The following GPC5 variants were observed in gnomAD, a reference collection of about 807,000 sequenced individuals.
GPC5 encodes the protein glypican 5, also known as glypican-5.
In GPC5, 47 loss-of-function variants were observed where a neutral mutation model predicts 53.9. The observed-to-expected ratio is 0.87, with a 90% CI of 0.69 to 1.11. The LOEUF is 1.11. GPC5 is among the 50% of genes most tolerant of loss of function. The probability of loss-of-function intolerance (pLI) is 0.00; values close to 1 mark genes in which losing one functional copy is unlikely to be tolerated. For synonymous variants in GPC5, 286 were observed against 263.3 expected (o/e 1.09, Z -0.84); for missense variants, 748 against 713.1 (o/e 1.05, Z -0.56).
intron 5 of GPC5, among the ~76,000 whole-genome samples, chr13:91,893,367 TG>T (rs1451722293): frequency 6.6e-6 from 1 of 152,082 alleles, no homozygotes; most frequent in Non-Finnish European, 1.5e-5. Flanking sequence ...TTAAGCCATG[TG>T]AACTAAAAGG....
chr13:92,301,908 ATAAAT>A (rs1363598778), intron 7 of GPC5, among the ~76,000 whole-genome samples: 5 of 152,016 alleles, frequency 3.3e-5, no homozygotes, highest in Non-Finnish European at 7.4e-5. Context: ...AAATAAATAA[ATAAAT>A]TAATTAATTA....
chr13:91,970,764 A>G (rs142889841), intron 6 of GPC5, among the ~76,000 whole-genome samples: 2 of 152,344 alleles, frequency 1.3e-5, no homozygotes, highest in East Asian at 3.9e-4. Context: ...ATACTGGATT[A>G]CATTTATTGA....
At chr13:92,552,006 G>A (rs1882334737) in intron 7 of GPC5, among the ~76,000 whole-genome samples, 1 of 151,892 alleles carries the variant, frequency 6.6e-6, no homozygotes, top group African/African-American at 2.4e-5. Context: ...TCTCTGAGAT[G>A]TTACTGTGCT....
At chr13:92,772,769 T>A (rs763663369) in intron 7 of GPC5, among the ~76,000 whole-genome samples, 252 of 152,332 alleles carry the variant, frequency 1.7e-3, no homozygotes, top group Non-Finnish European at 2.9e-3. Flanking sequence ...AAGTGCTTGA[T>A]AAATATCTGT....
chr13:92,052,584 C>G (rs1036152115), intron 6 of GPC5, among the ~76,000 whole-genome samples: 1 of 152,078 alleles, frequency 6.6e-6, no homozygotes, highest in African/African-American at 2.4e-5. Flanking sequence ...TTTAGCTAGG[C>G]ACAGAGTGCT....
intron 7 of GPC5, among the ~76,000 whole-genome samples, chr13:92,494,350 A>G (rs1879889273): frequency 6.6e-6 from 1 of 152,104 alleles, no homozygotes; most frequent in Admixed American, 6.6e-5. Flanking sequence ...CAGCCTCCCA[A>G]AGTTCTGGGA....
At chr13:92,524,227 G>A (rs1881184877) in intron 7 of GPC5, among the ~76,000 whole-genome samples, 1 of 152,006 alleles carries the variant, frequency 6.6e-6, no homozygotes, top group Admixed American at 6.6e-5. Flanking sequence ...TCTCTCCTAA[G>A]TTTATGGAAT....
At chr13:91,604,763 G>C (rs369500345) in intron 2 of GPC5, among the ~76,000 whole-genome samples, 1,248 of 33,712 alleles carry the variant, frequency 0.037, 45 homozygotes, top group African/African-American at 0.13. Context: ...TTTGAGAAGT[G>C]TCTGTTCATG....
intron 7 of GPC5, among the ~76,000 whole-genome samples, chr13:92,385,710 CACATATATACATATATACATGT>C (rs1566568097): frequency 3.0e-5 from 4 of 132,600 alleles, no homozygotes; most frequent in African/African-American, 8.4e-5. Context: ...CACATATATA[CACATATATACATATATACATGT>C]ATATATACGT....
chr13:91,761,679 G>A (rs980765337), intron 5 of GPC5, among the ~76,000 whole-genome samples: 1 of 152,202 alleles, frequency 6.6e-6, no homozygotes, highest in African/African-American at 2.4e-5. Flanking sequence ...CCTAGGGCAA[G>A]GTATGGGGCA....
At chr13:92,358,995 G>A (rs2043545095) in intron 7 of GPC5, among the ~76,000 whole-genome samples, 1 of 151,660 alleles carries the variant, frequency 6.6e-6, no homozygotes, top group African/African-American at 2.4e-5. Context: ...CCCTGAATGT[G>A]GGTTTTTCTT....
chr13:92,059,525 C>T (rs1249797937), intron 6 of GPC5, among the ~76,000 whole-genome samples: 1 of 151,732 alleles, frequency 6.6e-6, no homozygotes, highest in Non-Finnish European at 1.5e-5. Context: ...ATAGAATATA[C>T]TAGATATGCT....
chr13:92,329,546 C>G (rs2139233801), intron 7 of GPC5, among the ~76,000 whole-genome samples: 2 of 152,194 alleles, frequency 1.3e-5, no homozygotes, highest in South Asian at 4.1e-4. Context: ...GACAAACATC[C>G]AAACTATGTC....
chr13:92,374,879 A>G (rs1298992910), intron 7 of GPC5, among the ~76,000 whole-genome samples: 1 of 150,628 alleles, frequency 6.6e-6, no homozygotes, highest in Non-Finnish European at 1.5e-5. Context: ...GAAAAAAAAA[A>G]TAAAAAAAAA....
chr13:92,569,890 T>C (rs1406724118), intron 7 of GPC5, among the ~76,000 whole-genome samples: 1 of 152,190 alleles, frequency 6.6e-6, no homozygotes, highest in African/African-American at 2.4e-5. Context: ...ATATAAACAG[T>C]TACACTGTGT....
chr13:92,715,464 A>G (rs868648840), intron 7 of GPC5, among the ~76,000 whole-genome samples: 2 of 152,254 alleles, frequency 1.3e-5, no homozygotes, highest in Non-Finnish European at 2.9e-5. Context: ...ATTCTAAATG[A>G]TTAAGTAAAC....
At chr13:92,428,394 C>T (rs111638473) in intron 7 of GPC5, among the ~76,000 whole-genome samples, 145 of 152,192 alleles carry the variant, frequency 9.5e-4, no homozygotes, top group Non-Finnish European at 1.0e-3. Context: ...AGGACCTTGG[C>T]CTTTTTATAG....
At chr13:92,282,353 C>T (rs376506797) in intron 7 of GPC5, among the ~76,000 whole-genome samples, 3 of 152,196 alleles carry the variant, frequency 2.0e-5, no homozygotes, top group South Asian at 4.2e-4. Flanking sequence ...ACTTCCCCAA[C>T]CTAGCAAGGC....
intron 7 of GPC5, among the ~76,000 whole-genome samples, chr13:92,517,799 A>G (rs1465947368): frequency 6.6e-6 from 1 of 152,194 alleles, no homozygotes; most frequent in African/African-American, 2.4e-5. Context: ...GAATGCAGCT[A>G]CTCGCCAGCA....
Sources: allele counts gnomAD v4.1 joint callset (sites outside exome capture counted in the v4.1 genomes callset), GRCh38; gene constraint gnomAD v4.1.1; transcripts MANE v1.5; gene names NCBI Gene and HGNC (gene_info 2026-07-23, HGNC 2026-07-21).